The following MYO1D variants were observed in gnomAD, a reference collection of about 807,000 sequenced individuals.
MYO1D encodes the protein myosin ID, also known as unconventional myosin-Id.
MYO1D carries 83 observed loss-of-function variants against 122.0 expected under a neutral mutation model. The observed-to-expected ratio is 0.68, with a 90% CI of 0.57 to 0.82. The LOEUF (loss-of-function observed/expected upper bound fraction) is 0.82. Among genes scored for constraint, MYO1D ranks in the 40% least tolerant of loss-of-function variants. The pLI, the probability that MYO1D is intolerant of heterozygous loss-of-function variation, is 0.00. For missense variants in MYO1D, 1,157 were observed against 1,269.5 expected (o/e 0.91, Z 1.35); for synonymous variants, 464 against 446.9 (o/e 1.04, Z -0.48).
chr17:32,495,812 G>A (rs76128637), intron 21 of MYO1D: 13,198 of 152,368 alleles, frequency 0.087, 818 homozygotes, highest in Non-Finnish European at 0.13. Context: ...GAGGAGAAAG[G>A]AGGAAGCCTC....
chr17:32,857,853 C>T (rs2091040276), intron 1 of MYO1D, among the ~76,000 whole-genome samples: 1 of 152,160 alleles, frequency 6.6e-6, no homozygotes, highest in Non-Finnish European at 1.5e-5. Flanking sequence ...AATCATCAGG[C>T]ATTTATTATA....
At chr17:32,776,090 A>G in intron 3 of MYO1D, 61 bp from the exon 4 acceptor site, 1 of 1,490,304 alleles carries the variant, frequency 6.7e-7, no homozygotes. Flanking sequence ...TTTTTTAAAA[A>G]CTGGATTTTG....
At chr17:32,745,880 G>A (rs1469929704) in intron 12 of MYO1D, among the ~76,000 whole-genome samples, 1 of 152,058 alleles carries the variant, frequency 6.6e-6, no homozygotes, top group Non-Finnish European at 1.5e-5. Context: ...ATTGCAGTTG[G>A]TGAGAAGAGT....
At chr17:32,771,038 G>C (rs1388488540) in intron 6 of MYO1D, 87 bp downstream of exon 6, 3 of 941,686 alleles carry the variant, frequency 3.2e-6, no homozygotes, top group Non-Finnish European at 4.9e-6. Flanking sequence ...CCTAAAGATA[G>C]CAGGCTTGAC....
intron 21 of MYO1D, among the ~76,000 whole-genome samples, chr17:32,524,712 A>G (rs7223009): frequency 0.089 from 13,552 of 151,784 alleles, 1,386 homozygotes; most frequent in African/African-American, 0.26. Context: ...ACAGGTGCCC[A>G]CCACCATGCC....
At chr17:32,701,130 G>T (rs1642965) in intron 16 of MYO1D, among the ~76,000 whole-genome samples, 62,504 of 151,832 alleles carry the variant, frequency 0.41, 13,093 homozygotes, top group East Asian at 0.54. Context: ...GAAATGAGAA[G>T]AAAATGTAAG....
intron 16 of MYO1D, among the ~76,000 whole-genome samples, chr17:32,690,263 C>T (rs1421593987): frequency 2.7e-5 from 4 of 150,930 alleles, no homozygotes; most frequent in Non-Finnish European, 4.4e-5. Context: ...GCTCACTGCA[C>T]CTCCCGGGCT....
At chr17:32,700,763 G>C (rs2089237221) in intron 16 of MYO1D, among the ~76,000 whole-genome samples, 1 of 151,984 alleles carries the variant, frequency 6.6e-6, no homozygotes, top group South Asian at 2.1e-4. Context: ...GGCCAACATG[G>C]TGAAACCCTG....
At chr17:32,796,059 G>A (rs9901913) in intron 1 of MYO1D, among the ~76,000 whole-genome samples, 5,868 of 152,178 alleles carry the variant, frequency 0.039, 367 homozygotes, top group African/African-American at 0.13. Context: ...ACCAAAACAT[G>A]AGAATGAAAA....
rs374623861 is a variant in MYO1D at position 32,816,251 on chromosome 17, C to T, written c.96-35467G>A. 3.3e-5 allele frequency among the ~76,000 whole-genome samples: 5 copies of T among 152,230 alleles called. No individual in the cohort carries two copies. In the South Asian group the frequency reaches 1.0e-3, roughly 32 times the overall value. ...AAAATTATCAACAATCATATTATTA[C>T]AATCCAGACAAACAAGAGATATAGG... On this transcript the variant is annotated intron_variant, in intron 1 of 21. Coordinates refer to ENST00000318217, the MANE Select transcript of MYO1D (RefSeq NM_015194.3).
intron 16 of MYO1D, among the ~76,000 whole-genome samples, chr17:32,678,491 G>T (rs1198426222): frequency 6.8e-6 from 1 of 147,248 alleles, no homozygotes; most frequent in South Asian, 2.2e-4. Context: ...TCCCACCTAT[G>T]AGTGAGAATA....
At chr17:32,764,736 G>T in intron 8 of MYO1D, 142 bp downstream of exon 8, 3 of 883,608 alleles carry the variant, frequency 3.4e-6, no homozygotes, top group Non-Finnish European at 5.2e-6. Flanking sequence ...TTTTACCGAG[G>T]CTTGTATGGC....
intron 21 of MYO1D, among the ~76,000 whole-genome samples, chr17:32,562,324 A>G (rs1257412192): frequency 6.6e-6 from 1 of 152,234 alleles, no homozygotes; most frequent in East Asian, 1.9e-4. Context: ...TTGACATCAA[A>G]AAGTTTGTAA....
At chr17:32,873,598 C>T (rs1166063859) in intron 1 of MYO1D, among the ~76,000 whole-genome samples, 1 of 152,216 alleles carries the variant, frequency 6.6e-6, no homozygotes, top group Non-Finnish European at 1.5e-5. Flanking sequence ...TGGTCACCTT[C>T]TGCAAAGTGA....
intron 21 of MYO1D, among the ~76,000 whole-genome samples, chr17:32,538,124 A>C (rs1000773010): frequency 4.6e-5 from 7 of 152,150 alleles, no homozygotes; most frequent in Non-Finnish European, 1.0e-4. Flanking sequence ...CCTTAGTGGA[A>C]TAGAAAATAA....
chr17:32,827,349 T>C (rs761711676), intron 1 of MYO1D, among the ~76,000 whole-genome samples: 42 of 152,170 alleles, frequency 2.8e-4, no homozygotes, highest in Non-Finnish European at 3.2e-4. Context: ...GTACCTGGAA[T>C]GAAAAAATTC....
At chr17:32,643,626 C>T (rs913631987) in intron 19 of MYO1D, among the ~76,000 whole-genome samples, 2 of 151,986 alleles carry the variant, frequency 1.3e-5, no homozygotes, top group African/African-American at 2.4e-5. Flanking sequence ...AAGAGATTCA[C>T]CTTCTTCCTG....
At chr17:32,679,287 T>G (rs1425758756) in intron 16 of MYO1D, among the ~76,000 whole-genome samples, 76 of 151,686 alleles carry the variant, frequency 5.0e-4, no homozygotes, top group Middle Eastern at 3.4e-3. Context: ...GTCAATTTTG[T>G]CTTTTGTTGC....
chr17:32,876,681 G>T, intron 1 of MYO1D, 97 bp downstream of exon 1: 1 of 994,842 alleles, frequency 1.0e-6, no homozygotes, highest in Non-Finnish European at 1.4e-6. Context: ...CCTGGAGCTT[G>T]GGCGCTCCCG....
Sources: allele counts gnomAD v4.1 joint callset (sites outside exome capture counted in the v4.1 genomes callset), GRCh38; gene constraint gnomAD v4.1.1; transcripts MANE v1.5; gene names NCBI Gene and HGNC (gene_info 2026-07-23, HGNC 2026-07-21).